The following PPP1R9A variants were observed in gnomAD, a reference collection of about 807,000 sequenced individuals.
PPP1R9A encodes protein phosphatase 1 regulatory subunit 9A.
Under a neutral mutation model 141.9 loss-of-function variants are expected in PPP1R9A, and 59 were observed. The observed-to-expected ratio is 0.42, with a 90% CI of 0.34 to 0.52. PPP1R9A has a LOEUF of 0.52. PPP1R9A is among the 20% of genes least tolerant of loss of function. PPP1R9A has a pLI of 0.10. For synonymous variants in PPP1R9A, 500 were observed against 569.7 expected, an observed-to-expected ratio of 0.88 and a Z score of 1.74; for missense variants, 1,444 against 1,611.9, an observed-to-expected ratio of 0.90 and a Z score of 1.78.
intron 7 of PPP1R9A, among the ~76,000 whole-genome samples, chr7:95,205,590 A>G (rs1790613805): frequency 6.6e-6 from 1 of 152,200 alleles, no homozygotes; most frequent in Non-Finnish European, 1.5e-5. Context: ...TTACTTTCCC[A>G]GGGGCCATCG....
chr7:95,112,751 A>G (rs1321151532), intron 3 of PPP1R9A, among the ~76,000 whole-genome samples: 2 of 151,844 alleles, frequency 1.3e-5, no homozygotes, highest in Non-Finnish European at 2.9e-5. Flanking sequence ...ATAAGAAAGA[A>G]TGAAATCATG....
At chr7:95,078,458 T>C (rs938088060) in intron 2 of PPP1R9A, among the ~76,000 whole-genome samples, 1 of 151,926 alleles carries the variant, frequency 6.6e-6, no homozygotes, top group Non-Finnish European at 1.5e-5. Flanking sequence ...CATGTGTCTT[T>C]ATAGCAGCAT....
At chr7:95,074,252 T>G (rs28750187) in intron 2 of PPP1R9A, among the ~76,000 whole-genome samples, 11,108 of 152,134 alleles carry the variant, frequency 0.073, 551 homozygotes, top group African/African-American at 0.14. Flanking sequence ...GAATATAAAT[T>G]TATTCTAATA....
chr7:95,228,164 A>G (rs1033376162), intron 8 of PPP1R9A, among the ~76,000 whole-genome samples: 1 of 152,160 alleles, frequency 6.6e-6, no homozygotes, highest in Admixed American at 6.6e-5. Flanking sequence ...AAGCAAAAGT[A>G]TGTGTTTTAC....
intron 2 of PPP1R9A, among the ~76,000 whole-genome samples, chr7:95,063,422 C>A (rs757896945): frequency 2.0e-5 from 3 of 151,884 alleles, no homozygotes; most frequent in Non-Finnish European, 2.9e-5. Context: ...AAAATTAGCT[C>A]GGTGTGGCAG....
chr7:95,239,614 A>C (rs1797167318), intron 8 of PPP1R9A, among the ~76,000 whole-genome samples: 1 of 152,020 alleles, frequency 6.6e-6, no homozygotes, highest in Non-Finnish European at 1.5e-5. Context: ...TTTACAAGAA[A>C]ATTTAACCAA....
intron 4 of PPP1R9A, among the ~76,000 whole-genome samples, chr7:95,125,552 T>C (rs1257681646): frequency 2.6e-5 from 4 of 152,184 alleles, no homozygotes; most frequent in African/African-American, 7.2e-5. Context: ...GCAAAATTAG[T>C]TTCATAAAAA....
At position 95,021,439 on chromosome 7, in the gene PPP1R9A, A is replaced by G. The variant is rs182777349; in HGVS notation, c.1396-89820A>G. 1.6e-4 allele frequency among the ~76,000 whole-genome samples: 25 copies of G among 151,800 alleles called. No homozygotes were observed. In the South Asian group the frequency reaches 3.5e-3, roughly 21 times the overall value. On this transcript the variant is annotated intron_variant, in intron 2 of 19. Coordinates refer to ENST00000433360, the MANE Select transcript of PPP1R9A (RefSeq NM_001166160.2). The stretch of plus-strand genomic sequence containing the variant: ...TGTAGGTTGCCTGTTCACTCTGATG[A>G]TAGTTTCTTTTGCTTTGAAGAAGCT...
At chr7:95,211,956 T>C (rs116646310) in intron 7 of PPP1R9A, among the ~76,000 whole-genome samples, 2,514 of 152,232 alleles carry the variant, frequency 0.017, 51 homozygotes, top group Admixed American at 0.044. Context: ...TGCCATTACA[T>C]TCCAGCCTGG....
chr7:94,937,628 C>G (rs1424491288), intron 2 of PPP1R9A, among the ~76,000 whole-genome samples: 1 of 152,118 alleles, frequency 6.6e-6, no homozygotes, highest in Non-Finnish European at 1.5e-5. Context: ...TAGTTTCTTA[C>G]AGAATAAATG....
chr7:95,216,939 C>G (rs963474208), intron 7 of PPP1R9A, among the ~76,000 whole-genome samples: 2 of 152,146 alleles, frequency 1.3e-5, no homozygotes, highest in African/African-American at 4.8e-5. Flanking sequence ...TTCCTCTTTT[C>G]CTCATTGAAT....
chr7:94,994,985 T>C (rs1801990893), intron 2 of PPP1R9A, among the ~76,000 whole-genome samples: 1 of 152,132 alleles, frequency 6.6e-6, no homozygotes, highest in Admixed American at 6.5e-5. Context: ...ATGGTCATAA[T>C]ATATTATCCT....
intron 4 of PPP1R9A, among the ~76,000 whole-genome samples, chr7:95,141,416 A>G (rs1826661927): frequency 6.6e-6 from 1 of 152,200 alleles, no homozygotes; most frequent in Non-Finnish European, 1.5e-5. Flanking sequence ...GTGAATATTC[A>G]AGAGTTATAT....
chr7:95,226,078 G>C lies in PPP1R9A; in HGVS notation c.2074G>C (p.Glu692Gln). The part of the protein sequence containing the change: ...PENEDMFSPS[E>Q]LDTSKLSHKF... ...GAATGAGGACATGTTTTCCCCATCA[G>C]AACTGGACACAAGCAAGCTCAGTCA... is the stretch of plus-strand genomic sequence containing the variant. The change falls in exon 8 of 20, where the codon GAA becomes CAA. Residue 692 changes from glutamate (E) to glutamine (Q), a missense_variant. Glu to Gln is a conservative substitution (Grantham distance 29). This residue lies in a region of PPP1R9A where 488 missense variants were observed against 542.0 expected (regional missense o/e 0.90). Coordinates refer to ENST00000433360, the MANE Select transcript of PPP1R9A (RefSeq NM_001166160.2). 1 of 1,613,490 alleles carries C rather than the reference G, an allele frequency of 6.2e-7. No individual in the cohort carries two copies. The highest frequency in any genetic ancestry group is 8.5e-7 in the Non-Finnish European group (1 of 1,179,576).
At chr7:95,156,330 G>A (rs993716002) in intron 4 of PPP1R9A, 1 of 152,284 alleles carries the variant, frequency 6.6e-6, no homozygotes, top group Non-Finnish European at 1.5e-5. Flanking sequence ...GGCACCACAG[G>A]ACCCCAAAGA....
chr7:95,236,920 T>A (rs928714758), intron 8 of PPP1R9A, among the ~76,000 whole-genome samples: 8 of 151,562 alleles, frequency 5.3e-5, no homozygotes, highest in East Asian at 1.9e-4. Flanking sequence ...AACAAAAGAA[T>A]GATATAGTGT....
intron 2 of PPP1R9A, among the ~76,000 whole-genome samples, chr7:94,977,136 G>T (rs1799540321): frequency 6.6e-6 from 1 of 152,094 alleles, no homozygotes; most frequent in Non-Finnish European, 1.5e-5. Context: ...TCAAGGATAT[G>T]GTTTTTACAT....
intron 8 of PPP1R9A, among the ~76,000 whole-genome samples, chr7:95,246,336 C>T (rs181170153): frequency 1.3e-5 from 2 of 152,258 alleles, no homozygotes; most frequent in East Asian, 1.9e-4. Context: ...ATAAGAAAAC[C>T]TCTTAGCCTT....
At chr7:95,201,995 C>A (rs1228606193) in intron 6 of PPP1R9A, among the ~76,000 whole-genome samples, 1 of 152,150 alleles carries the variant, frequency 6.6e-6, no homozygotes, top group Non-Finnish European at 1.5e-5. Flanking sequence ...TAACTTGGAA[C>A]TTGTCACATT....
Sources: allele counts gnomAD v4.1 joint callset (sites outside exome capture counted in the v4.1 genomes callset), GRCh38; gene constraint gnomAD v4.1.1; regional missense constraint gnomAD v4.1.1; transcripts MANE v1.5; gene names NCBI Gene and HGNC (gene_info 2026-07-23, HGNC 2026-07-21).